TBC1D19: variants seen among roughly 807,000 people sequenced by gnomAD.
TBC1D19 encodes the protein TBC1 domain family member 19, also known as TBC1 domain family, member 19.
In TBC1D19, 60 loss-of-function variants were observed where a neutral mutation model predicts 89.0. That is an observed-to-expected ratio of 0.67 (90% CI 0.55 to 0.84). The LOEUF is 0.84. Among genes scored for constraint, TBC1D19 ranks in the 40% least tolerant of loss-of-function variants. The probability of loss-of-function intolerance (pLI) is 0.00; values close to 1 mark genes in which losing one functional copy is unlikely to be tolerated. For missense variants in TBC1D19, 500 were observed against 610.8 expected (o/e 0.82, Z 1.91); for synonymous variants, 189 against 199.7 (o/e 0.95, Z 0.45).
chr4:26,799,931 T>A, the TBC1D19 span, among the ~76,000 whole-genome samples: 2 of 131,552 alleles, frequency 1.5e-5, no homozygotes, highest in Non-Finnish European at 3.4e-5. Flanking sequence ...ATAGCTATAA[T>A]ATACAGAGAA....
chr4:26,787,110 T>G, the TBC1D19 span, among the ~76,000 whole-genome samples: 62 of 151,294 alleles, frequency 4.1e-4, 1 homozygote, highest in African/African-American at 1.4e-3. Context: ...AGTTTTTTTT[T>G]TTTTTTTTTT....
intron 13 of TBC1D19, among the ~76,000 whole-genome samples, chr4:26,694,870 A>T (rs921534531): frequency 6.6e-6 from 1 of 152,220 alleles, no homozygotes; most frequent in Non-Finnish European, 1.5e-5. Context: ...CAGAAAGGAC[A>T]TCCACACCAA....
At chr4:26,618,686 T>G (rs997023068) in intron 3 of TBC1D19, among the ~76,000 whole-genome samples, 1 of 152,228 alleles carries the variant, frequency 6.6e-6, no homozygotes, top group African/African-American at 2.4e-5. Context: ...TTTTGCTCAA[T>G]GCTGGAGTTA....
intron 9 of TBC1D19, 71 bp downstream of exon 9, chr4:26,666,476 C>T: frequency 1.5e-6 from 2 of 1,302,442 alleles, no homozygotes; most frequent in Non-Finnish European, 2.1e-6. Context: ...TTGCTATTTC[C>T]AAGTTAATCT....
chr4:26,661,350 A>C (rs1399984563), intron 8 of TBC1D19, among the ~76,000 whole-genome samples: 1 of 152,120 alleles, frequency 6.6e-6, no homozygotes, highest in Non-Finnish European at 1.5e-5. Context: ...CCTTACCCTC[A>C]ACCAACTCTA....
intron 12 of TBC1D19, among the ~76,000 whole-genome samples, chr4:26,687,607 A>G (rs1282939275): frequency 1.3e-5 from 2 of 152,114 alleles, no homozygotes; most frequent in Non-Finnish European, 2.9e-5. Flanking sequence ...ATTAATTTCT[A>G]TTAATAATTT....
chr4:26,710,100 A>G (rs913572230), intron 13 of TBC1D19, among the ~76,000 whole-genome samples: 3 of 152,030 alleles, frequency 2.0e-5, no homozygotes, highest in Admixed American at 6.6e-5. Flanking sequence ...TTACATATGT[A>G]TACATGTGCC....
rs147401820 is a variant in TBC1D19 at position 26,658,611 on chromosome 4, C to T, written c.481-986C>T. Among the ~76,000 whole-genome samples, 172 of 152,112 alleles carry T rather than the reference C, an allele frequency of 1.1e-3. No individual in the cohort carries two copies. In the East Asian group the frequency reaches 0.03, roughly 26 times the overall value. ...ATATGAAGTTTAAAGTAGTTTTTTC[C>T]GATTCTGTGAAGAAAGTCAGTGGTA... On this transcript the variant is annotated intron_variant, in intron 7 of 20. Coordinates refer to ENST00000264866, the MANE Select transcript of TBC1D19 (RefSeq NM_018317.4).
chr4:26,799,406 A>G, the TBC1D19 span, among the ~76,000 whole-genome samples: 2 of 152,190 alleles, frequency 1.3e-5, no homozygotes, highest in Admixed American at 1.3e-4. Flanking sequence ...AAGGTTGGAA[A>G]CTCAGAAGCT....
intron 7 of TBC1D19, among the ~76,000 whole-genome samples, chr4:26,650,652 A>G (rs1326326188): frequency 6.6e-6 from 1 of 152,078 alleles, no homozygotes; most frequent in Non-Finnish European, 1.5e-5. Context: ...ATTTTCTCCC[A>G]TTCTGTAGGT....
chr4:26,699,410 T>C (rs1263131697), intron 13 of TBC1D19, among the ~76,000 whole-genome samples: 1 of 152,222 alleles, frequency 6.6e-6, no homozygotes, highest in Non-Finnish European at 1.5e-5. Context: ...TTTACACTGT[T>C]GGTGGGACTG....
At position 26,597,719 on chromosome 4, in the gene TBC1D19, G is replaced by A. The variant is rs1204086437; in HGVS notation, c.99+13427G>A. Among the ~76,000 whole-genome samples, 5 of 151,764 alleles carry A rather than the reference G, an allele frequency of 3.3e-5. No homozygotes were observed. In the East Asian group the frequency reaches 7.7e-4, roughly 23 times the overall value. Reference sequence around the variant, plus strand: ...TATAGTCTATTTACATTTAATGAATGTACTGATCTATATGGTTTTATAACT... The same window carrying A: ...TATAGTCTATTTACATTTAATGAATATACTGATCTATATGGTTTTATAACT... On this transcript the variant is annotated intron_variant, in intron 1 of 20. Coordinates refer to ENST00000264866, the MANE Select transcript of TBC1D19 (RefSeq NM_018317.4).
At chr4:26,686,279 A>T (rs573127632) in intron 12 of TBC1D19, among the ~76,000 whole-genome samples, 1 of 152,352 alleles carries the variant, frequency 6.6e-6, no homozygotes, top group Non-Finnish European at 1.5e-5. Flanking sequence ...CAAACAGTCT[A>T]CAAAATTCAA....
intron 11 of TBC1D19, among the ~76,000 whole-genome samples, chr4:26,676,647 A>G (rs1712828170): frequency 6.6e-6 from 1 of 150,516 alleles, no homozygotes; most frequent in African/African-American, 2.5e-5. Flanking sequence ...TGAACCCGGG[A>G]GGCAGAGCTT....
At chr4:26,858,025 C>T in the TBC1D19 span, 2 of 152,370 alleles carry the variant, frequency 1.3e-5, no homozygotes, top group African/African-American at 2.4e-5. Flanking sequence ...TGGCAACGCA[C>T]CTGTGTGCCG....
intron 13 of TBC1D19, among the ~76,000 whole-genome samples, chr4:26,715,542 A>C (rs1716537728): frequency 6.6e-6 from 1 of 152,116 alleles, no homozygotes; most frequent in South Asian, 2.1e-4. Flanking sequence ...AGGATTGAGC[A>C]TAAGGACAAT....
At chr4:26,709,581 G>A (rs1196391219) in intron 13 of TBC1D19, among the ~76,000 whole-genome samples, 1 of 152,004 alleles carries the variant, frequency 6.6e-6, no homozygotes, top group Non-Finnish European at 1.5e-5. Flanking sequence ...TAAGCTGCTT[G>A]TAAGCTGTTC....
chr4:26,685,906 T>C (rs1166827611), intron 12 of TBC1D19, among the ~76,000 whole-genome samples: 1 of 152,260 alleles, frequency 6.6e-6, no homozygotes, highest in African/African-American at 2.4e-5. Flanking sequence ...AGAGTTCTCT[T>C]TGTCACCAAA....
At chr4:26,808,718 ACT>A in the TBC1D19 span, among the ~76,000 whole-genome samples, 1 of 122,732 alleles carries the variant, frequency 8.1e-6, no homozygotes, top group Non-Finnish European at 1.6e-5. Flanking sequence ...ACAGAGCAAG[ACT>A]CTGTCTCAAA....
Sources: allele counts gnomAD v4.1 joint callset (sites outside exome capture counted in the v4.1 genomes callset), GRCh38; gene constraint gnomAD v4.1.1; transcripts MANE v1.5; gene names NCBI Gene and HGNC (gene_info 2026-07-23, HGNC 2026-07-21).